The following EFCAB12 variants were observed in gnomAD, a reference collection of about 807,000 sequenced individuals.
EFCAB12 encodes EF-hand calcium binding domain 12, also known as EF-hand calcium-binding domain-containing protein 12.
EFCAB12 carries 43 observed loss-of-function variants against 53.6 expected under a neutral mutation model. That is an observed-to-expected ratio of 0.80 (90% CI 0.63 to 1.03). The LOEUF (loss-of-function observed/expected upper bound fraction) is 1.03. EFCAB12 is among the 50% of genes least tolerant of loss of function. EFCAB12 has a pLI of 0.00. For missense variants in EFCAB12, 646 were observed against 730.6 expected (o/e 0.88, Z 1.34); for synonymous variants, 269 against 289.2 (o/e 0.93, Z 0.71).
chr3:129,421,006 GCCA>G (rs1200093525), intron 2 of EFCAB12, among the ~76,000 whole-genome samples: 1 of 152,256 alleles, frequency 6.6e-6, no homozygotes, highest in African/African-American at 2.4e-5. Flanking sequence ...ACATGGGTGA[GCCA>G]GCTTGGAAGC....
chr3:129,403,012 G>T, intron 7 of EFCAB12: 1 of 168,280 alleles, frequency 5.9e-6, no homozygotes, highest in South Asian at 1.3e-4. Flanking sequence ...CCAACCCTGA[G>T]CCTGACAGAC....
At position 129,420,435 on chromosome 3, in the gene EFCAB12, C is replaced by T. The variant is rs575589727; in HGVS notation, c.486+932G>A. 2.0e-5 allele frequency among the ~76,000 whole-genome samples: 3 copies of T among 152,300 alleles called. No homozygotes were observed. The East Asian group carries it at 5.8e-4, about 29-fold the overall frequency. ...GTCTTCTTATCCCAAGGAAATGTCACAGAGAGAGAATGAGTTGGTAGTACC... is the reference window on the plus strand; with the variant it reads ...GTCTTCTTATCCCAAGGAAATGTCATAGAGAGAGAATGAGTTGGTAGTACC... On this transcript the variant is annotated intron_variant, in intron 2 of 8. Coordinates refer to ENST00000505956, the MANE Select transcript of EFCAB12 (RefSeq NM_207307.3).
chr3:129,406,126 A>G (rs1445141306), intron 6 of EFCAB12, among the ~76,000 whole-genome samples: 1 of 151,924 alleles, frequency 6.6e-6, no homozygotes, highest in Non-Finnish European at 1.5e-5. Flanking sequence ...AACCCAGAGG[A>G]GCAGTCCAGG....
intron 2 of EFCAB12, among the ~76,000 whole-genome samples, chr3:129,420,651 T>A (rs1214892264): frequency 2.6e-5 from 4 of 152,220 alleles, no homozygotes; most frequent in Admixed American, 2.0e-4. Context: ...GTATTTTAAA[T>A]ACCCCATAAG....
rs376377634 is a variant in EFCAB12 at position 129,408,776 on chromosome 3, G to A, written c.1118C>T (p.Pro373Leu). The change falls in exon 6 of 9, where the codon CCG becomes CTG. Residue 373 changes from proline (P) to leucine (L), a missense_variant. By Grantham distance (98) the Pro-to-Leu change is moderately conservative. Coordinates refer to ENST00000505956, the MANE Select transcript of EFCAB12 (RefSeq NM_207307.3). ...CCTCATATCCCCGTGGATGGTGGAC[G>A]GGAGGCAGTGCTCATCAAAGTGCCG... Reference protein sequence around the residue: ...GNRHFDEHCLPSTIHGDMREL... With the variant: ...GNRHFDEHCLLSTIHGDMREL... 1.5e-5 allele frequency: 23 copies of A among 1,575,526 alleles called. No homozygotes were observed. Among genetic ancestry groups the A allele is most frequent in the South Asian group, 4.7e-5 (4 of 85,830 alleles).
At chr3:129,406,673 T>C (rs1226040467) in intron 6 of EFCAB12, among the ~76,000 whole-genome samples, 1 of 152,082 alleles carries the variant, frequency 6.6e-6, no homozygotes, top group Non-Finnish European at 1.5e-5. Flanking sequence ...TGATGAATGT[T>C]TGTATTTTTT....
chr3:129,408,812 C>T lies in EFCAB12; in HGVS notation c.1082G>A (p.Arg361His), dbSNP rs561754408. The T allele has an allele frequency of 7.0e-6, 11 of 1,577,326 alleles. No individual in the cohort carries two copies. Among genetic ancestry groups the T allele is most frequent in the African/African-American group, 2.7e-5 (2 of 74,216 alleles). The change falls in exon 6 of 9, where the codon CGC becomes CAC. Residue 361 changes from arginine (R) to histidine (H), a missense_variant. Physicochemically the swap from Arg to His is conservative, Grantham distance 29. Transcript: ENST00000505956. ...IQYTEQCHLV[R>H]CGNRHFDEHC... ...CTCATCAAAGTGCCGATTCCCACAG[C>T]GCACCAGGTGACATTGCTCCGTGTA...
chr3:129,416,621 C>A (rs1232041648), intron 3 of EFCAB12, among the ~76,000 whole-genome samples: 1 of 152,162 alleles, frequency 6.6e-6, no homozygotes, highest in African/African-American at 2.4e-5. Flanking sequence ...ACAGTCAACT[C>A]CCTAAAGTTG....
Position 129,421,712 on chromosome 3 carries a change from C to T in EFCAB12, c.141G>A (p.Gln47=), listed in dbSNP as rs2072191631. The change falls in exon 2 of 9, where the codon CAG becomes CAA. Residue 47 remains glutamine (Q), a synonymous_variant. Coordinates refer to ENST00000505956, the MANE Select transcript of EFCAB12 (RefSeq NM_207307.3). ...GGGTCTGAGGCAGGCGGAAGTCCTT[C>T]TGCTGGAACTGCTTGAAGCAGTGGG... The part of the protein sequence containing the change: ...VIAHCFKQFQ[Q]KDFRLPQTRR... The T allele has an allele frequency of 1.2e-6, 2 of 1,613,708 alleles. No homozygotes were observed. The highest frequency in any genetic ancestry group is 1.7e-6 in the Non-Finnish European group (2 of 1,179,860).
In EFCAB12 at chr3:129,404,231, A is replaced by G. The variant is rs748519801; in HGVS notation, c.1403+19T>C. On this transcript the variant is annotated intron_variant, in intron 7 of 8. Coordinates refer to ENST00000505956, the MANE Select transcript of EFCAB12 (RefSeq NM_207307.3). ...GAGCAGGAGGCCAAGGCAGGGAGAA[A>G]GGGGGTCCGAAACTCAGCTTGTCAG... 4.4e-6 allele frequency: 7 copies of G among 1,607,882 alleles called. No homozygotes were observed. The Admixed American group carries it at 1.0e-4, about 23-fold the overall frequency.
At chr3:129,420,267 C>T (rs1007167974) in intron 2 of EFCAB12, among the ~76,000 whole-genome samples, 1 of 152,088 alleles carries the variant, frequency 6.6e-6, no homozygotes, top group African/African-American at 2.4e-5. Flanking sequence ...GTCCTAGGCA[C>T]CTTATATAAA....
At position 129,404,314 on chromosome 3, in the gene EFCAB12, C is replaced by A; in HGVS notation, c.1339G>T (p.Val447Phe). ...AGCAGAGCCAGATTCGGAGAAAAGA[C>A]CTTCCAGTCAGAGTAGTAGCCTCCC... Reference protein sequence around the residue: ...QPGGYYSDWKVFSPNLALLRS... With the variant: ...QPGGYYSDWKFFSPNLALLRS... The change falls in exon 7 of 9, where the codon GTC becomes TTC. Residue 447 changes from valine to phenylalanine, a missense_variant. Coordinates refer to ENST00000505956, the MANE Select transcript of EFCAB12 (RefSeq NM_207307.3). 1 of 1,613,874 alleles carries A rather than the reference C, an allele frequency of 6.2e-7. No individual in the cohort carries two copies. Among genetic ancestry groups the A allele is most frequent in the Non-Finnish European group, 8.5e-7 (1 of 1,179,868 alleles).
intron 1 of EFCAB12, among the ~76,000 whole-genome samples, chr3:129,425,904 C>T (rs754304824): frequency 1.3e-5 from 2 of 152,202 alleles, no homozygotes; most frequent in Non-Finnish European, 2.9e-5. Flanking sequence ...ACACTAAACT[C>T]TGACTGCTAG....
In EFCAB12 at chr3:129,404,318, C is replaced by T; in HGVS notation, c.1335G>A (p.Trp445Ter). The part of the protein sequence containing the change: ...IRQPGGYYSD[W>*]KVFSPNLALL... ...GAGCCAGATTCGGAGAAAAGACCTT[C>T]CAGTCAGAGTAGTAGCCTCCCGGCT... is the stretch of plus-strand genomic sequence containing the variant. The change falls in exon 7 of 9, where the codon TGG (tryptophan) becomes TGA (stop). Residue 445 changes from tryptophan (W) to a stop codon, truncating the protein, a stop_gained. Coordinates refer to ENST00000505956, the MANE Select transcript of EFCAB12 (RefSeq NM_207307.3). LOFTEE classifies it high-confidence loss of function. 4.3e-6 allele frequency: 7 copies of T among 1,613,878 alleles called. No individual in the cohort carries two copies. Among genetic ancestry groups the T allele is most frequent in the Non-Finnish European group, 5.9e-6 (7 of 1,179,874 alleles).
At chr3:129,412,348 T>G (rs981228768) in intron 4 of EFCAB12, 5 of 152,150 alleles carry the variant, frequency 3.3e-5, no homozygotes, top group African/African-American at 4.8e-5. Flanking sequence ...CACCTGTGAA[T>G]AGCCACTTCA....
chr3:129,410,809 G>C (rs1318053923), intron 5 of EFCAB12, among the ~76,000 whole-genome samples: 1 of 152,108 alleles, frequency 6.6e-6, no homozygotes, highest in East Asian at 1.9e-4. Flanking sequence ...TCCTTCACTT[G>C]CCATGTATTT....
intron 1 of EFCAB12, among the ~76,000 whole-genome samples, chr3:129,422,986 C>T (rs1332322836): frequency 6.6e-6 from 1 of 152,172 alleles, no homozygotes; most frequent in African/African-American, 2.4e-5. Flanking sequence ...GCCCTGACAC[C>T]TCCACAGTGT....
chr3:129,419,511 G>A (rs766502419), intron 2 of EFCAB12, among the ~76,000 whole-genome samples: 5 of 152,164 alleles, frequency 3.3e-5, no homozygotes, highest in Non-Finnish European at 7.4e-5. Context: ...GGATTAATGG[G>A]CTAAGGATTA....
At chr3:129,427,687 G>C (rs1229523866) in intron 1 of EFCAB12, among the ~76,000 whole-genome samples, 1 of 152,108 alleles carries the variant, frequency 6.6e-6, no homozygotes, top group East Asian at 1.9e-4. Context: ...ATAGCCCCCA[G>C]CTCTCATCTC....
Sources: allele counts gnomAD v4.1 joint callset (sites outside exome capture counted in the v4.1 genomes callset), GRCh38; gene constraint gnomAD v4.1.1; transcripts MANE v1.5; gene names NCBI Gene and HGNC (gene_info 2026-07-23, HGNC 2026-07-21).